SPTA1: variants seen among roughly 807,000 people sequenced by gnomAD.
The protein encoded by SPTA1 is spectrin alpha, erythrocytic 1.
A neutral mutation model predicts 324.7 loss-of-function variants in SPTA1; 177 were observed. The observed-to-expected ratio is 0.55, with a 90% confidence interval of 0.48 to 0.62. The LOEUF (loss-of-function observed/expected upper bound fraction) is 0.62. Ranked by LOEUF, SPTA1 falls within the 20% of genes least tolerant of loss-of-function variation. The pLI is 0.00. For missense variants in SPTA1, 3,162 were observed against 2,883.6 expected, an observed-to-expected ratio of 1.10 and a Z score of -2.21; for synonymous variants, 1,195 against 1,041.3, an observed-to-expected ratio of 1.15 and a Z score of -2.84.
At chr1:158,668,735 C>G (rs910815203) in intron 14 of SPTA1, among the ~76,000 whole-genome samples, 2 of 152,068 alleles carry the variant, frequency 1.3e-5, no homozygotes, top group African/African-American at 4.8e-5. Context: ...TGTGTTAGTA[C>G]AACCCTAAGG....
rs1371096521 is a variant in SPTA1, at chr1:158,613,905, C to T, written c.6843-38G>A. ...AAAAGAAAAAAAAATTTATCAAGCT[C>T]AATAGAAAAACCAAGTGAGAACAGA... On this transcript the variant is annotated intron_variant, in intron 49 of 51. Coordinates refer to ENST00000643759, the MANE Select transcript of SPTA1 (RefSeq NM_003126.4). 6 of 1,601,198 alleles carry T rather than the reference C, an allele frequency of 3.7e-6. No individual in the cohort carries two copies. The South Asian group carries it at 6.7e-5, about 18-fold the overall frequency.
rs548028760 is a variant in SPTA1, at chr1:158,649,934, C to A, written c.3491G>T (p.Arg1164Leu). 1.2e-6 allele frequency: 2 copies of A among 1,613,264 alleles called. No homozygotes were observed. Among genetic ancestry groups the A allele is most frequent in the Non-Finnish European group, 1.7e-6 (2 of 1,179,590 alleles). The change falls in exon 25 of 52, where the codon CGC becomes CTC. Residue 1164 changes from arginine to leucine, a missense_variant. By Grantham distance (102) the Arg-to-Leu change is moderately radical. Coordinates refer to ENST00000643759, the MANE Select transcript of SPTA1 (RefSeq NM_003126.4). Reference protein sequence around the residue: ...GAQIRQELNSRWGSLQRLADE... With the variant: ...GAQIRQELNSLWGSLQRLADE... ...TGCAAGCCTCTGCAAAGAACCCCAG[C>A]GGGAATTCAATTCCTAAAAGAGGCA...
intron 18 of SPTA1, among the ~76,000 whole-genome samples, chr1:158,660,520 GAAAC>G (rs149610980): frequency 0.014 from 2,153 of 152,196 alleles, 47 homozygotes; most frequent in African/African-American, 0.049. Flanking sequence ...CAAAATATAA[GAAAC>G]AAAAACTGAT....
chr1:158,680,840 G>C (rs2101943658), intron 4 of SPTA1, 111 bp from the exon 5 acceptor site: 1 of 1,402,688 alleles, frequency 7.1e-7, no homozygotes, highest in Non-Finnish European at 9.9e-7. Context: ...GGAGATACTG[G>C]GGGAGACTGG....
At chr1:158,612,793 T>C (rs371746417) in intron 51 of SPTA1, 24 bp downstream of exon 51, 30 of 1,613,132 alleles carry the variant, frequency 1.9e-5, no homozygotes, top group Non-Finnish European at 2.5e-5. Context: ...GACAGTGTAG[T>C]AGGGGAAGCA....
At chr1:158,666,230 G>A (rs955110973) in intron 16 of SPTA1, 86 bp downstream of exon 16, 260 of 1,370,948 alleles carry the variant, frequency 1.9e-4, no homozygotes, top group Non-Finnish European at 1.9e-4. Context: ...TAATTAATAA[G>A]TAATAATTAC....
intron 47 of SPTA1, among the ~76,000 whole-genome samples, chr1:158,615,976 T>C (rs1052829640): frequency 1.3e-5 from 2 of 152,210 alleles, no homozygotes; most frequent in Non-Finnish European, 2.9e-5. Flanking sequence ...TTGCCCATGC[T>C]TTCTCAGTGA....
At chr1:158,666,579 G>A in intron 15 of SPTA1, 82 bp from the exon 16 acceptor site, 1 of 1,206,066 alleles carries the variant, frequency 8.3e-7, no homozygotes, top group Admixed American at 1.8e-5. Flanking sequence ...TCCAATTGAA[G>A]GATCAATATA....
At chr1:158,637,883 A>G in intron 36 of SPTA1, 150 bp downstream of exon 36, 1 of 986,082 alleles carries the variant, frequency 1.0e-6, no homozygotes, top group Non-Finnish European at 1.6e-6. Context: ...GAAAAATAAA[A>G]CCAATGTTAA....
intron 1 of SPTA1, among the ~76,000 whole-genome samples, 193 bp from the exon 2 acceptor site, chr1:158,685,540 A>C (rs1302862962): frequency 6.6e-6 from 1 of 152,160 alleles, no homozygotes; most frequent in Non-Finnish European, 1.5e-5. Context: ...TTAGGTTAAA[A>C]ATTCTTGATT....
intron 47 of SPTA1, among the ~76,000 whole-genome samples, chr1:158,616,872 C>A (rs943578324): frequency 6.6e-6 from 1 of 152,084 alleles, no homozygotes; most frequent in African/African-American, 2.4e-5. Context: ...TTTCCACTTT[C>A]TCTACATCTT....
chr1:158,666,200 G>C (rs1571492741), intron 16 of SPTA1, 116 bp downstream of exon 16: 1 of 981,924 alleles, frequency 1.0e-6, no homozygotes, highest in East Asian at 2.6e-5. Context: ...TACACCCATT[G>C]CTTATTATTA....
Position 158,680,643 on chromosome 1 carries a change from C to A in SPTA1, c.618G>T (p.Glu206Asp). The change falls in exon 5 of 52, where the codon GAG (glutamate) becomes GAT (aspartate). Residue 206 changes from glutamate (E) to aspartate (D), a missense_variant. Coordinates refer to ENST00000643759, the MANE Select transcript of SPTA1 (RefSeq NM_003126.4). ...CAACTCTCCCTTCTTTAGCTACCAG[C>A]TCCACTTGGAAGTCTTCAAATTTCT... ...LHKKFEDFQV[E>D]LVAKEGRVVE... 6.2e-7 allele frequency: 1 copy of A among 1,613,934 alleles called. No individual in the cohort carries two copies. Among genetic ancestry groups the A allele is most frequent in the Non-Finnish European group, 8.5e-7 (1 of 1,179,880 alleles).
At chr1:158,679,743 G>C (rs1654662628) in intron 5 of SPTA1, among the ~76,000 whole-genome samples, 1 of 152,130 alleles carries the variant, frequency 6.6e-6, no homozygotes, top group Non-Finnish European at 1.5e-5. Flanking sequence ...TCATTAACAA[G>C]TAAGATGTTA....
Position 158,668,078 on chromosome 1 carries a change from A to C in SPTA1, c.1834-16T>G, listed in dbSNP as rs748466582. Reference sequence around the variant, plus strand: ...TCTGTATGTCCTGAGATAAGATGAAAAAAAAAAAAAAAACCATTACCTGAA... The same window carrying C: ...TCTGTATGTCCTGAGATAAGATGAACAAAAAAAAAAAAACCATTACCTGAA... On this transcript the variant is annotated splice_polypyrimidine_tract_variant and intron_variant, in intron 14 of 51. Transcript: ENST00000643759. 1 of 652,590 alleles carries C rather than the reference A, an allele frequency of 1.5e-6. No individual in the cohort carries two copies. Among genetic ancestry groups the C allele is most frequent in the East Asian group, 7.1e-5 (1 of 14,118 alleles). 40.4% of individuals were successfully genotyped at this position (652,590 alleles called of 1,614,324 possible). A position where few individuals can be genotyped will look rare whatever the true frequency, so the allele number is the denominator to read the frequency against.
Position 158,651,481 on chromosome 1 carries a change from A to T in SPTA1, c.3376-13T>A. On this transcript the variant is annotated splice_polypyrimidine_tract_variant and intron_variant, in intron 23 of 51. Coordinates refer to ENST00000643759, the MANE Select transcript of SPTA1 (RefSeq NM_003126.4). ...TGGTATTCAAATCCTGAATGGGAAAATTCATCCAAAGCAGTGTAAATTCAT... is the reference window on the plus strand; with the variant it reads ...TGGTATTCAAATCCTGAATGGGAAATTTCATCCAAAGCAGTGTAAATTCAT... 6.4e-7 allele frequency: 1 copy of T among 1,561,080 alleles called. No individual in the cohort carries two copies. The highest frequency in any genetic ancestry group is 8.8e-7 in the Non-Finnish European group (1 of 1,132,428).
At chr1:158,678,764 G>A (rs187090913) in intron 5 of SPTA1, among the ~76,000 whole-genome samples, 1 of 152,098 alleles carries the variant, frequency 6.6e-6, no homozygotes, top group Non-Finnish European at 1.5e-5. Flanking sequence ...CCACAGCAGT[G>A]GACTAGCCTA....
intron 14 of SPTA1, 61 bp downstream of exon 14, chr1:158,669,347 C>T: frequency 1.2e-6 from 2 of 1,608,948 alleles, no homozygotes; most frequent in Non-Finnish European, 8.5e-7. Context: ...TACTCCAAGA[C>T]TGTACTTCCA....
At position 158,680,749 on chromosome 1, in the gene SPTA1, T is replaced by C. The variant is rs533739580; in HGVS notation, c.532-20A>G. 10 of 1,613,206 alleles carry C rather than the reference T, an allele frequency of 6.2e-6. No homozygotes were observed. The South Asian group carries it at 7.7e-5, about 12-fold the overall frequency. On this transcript the variant is annotated intron_variant, in intron 4 of 51. Coordinates refer to ENST00000643759, the MANE Select transcript of SPTA1 (RefSeq NM_003126.4). ...AGCCTCCTGTAGACACAGAAGTTGA[T>C]TGAGTTGCCAGCAAACATTTAGGAG...
Sources: gnomAD v4.1 joint callset for allele counts (sites outside exome capture counted in the v4.1 genomes callset) on GRCh38, gnomAD v4.1.1 for gene constraint, MANE v1.5 for transcripts, NCBI Gene and HGNC (gene_info 2026-07-23, HGNC 2026-07-21) for gene names.